Variants in SPP1 observed in about 807,000 individuals in gnomAD.
SPP1 encodes the protein osteopontin.
Under a neutral mutation model 20.8 loss-of-function variants are expected in SPP1, and 18 were observed. The ratio of observed to expected loss-of-function variants is 0.87; its 90% CI spans 0.60 to 1.29. SPP1 has a LOEUF of 1.29. SPP1 is among the 50% of genes most tolerant of loss of function. The pLI is 0.00. For synonymous variants in SPP1, 146 were observed against 141.5 expected (o/e 1.03, Z -0.23); for missense variants, 363 against 389.0 (o/e 0.93, Z 0.56).
chr4:87,976,595 G>A (rs539185682), intron 1 of SPP1, among the ~76,000 whole-genome samples: 1 of 152,190 alleles, frequency 6.6e-6, no homozygotes, highest in Non-Finnish European at 1.5e-5. Flanking sequence ...GATATATAAG[G>A]TAGTAATGGT....
Position 87,981,490 on chromosome 4 carries a change from T to C in SPP1, c.232T>C (p.Ser78Pro). 6.2e-7 allele frequency: 1 copy of C among 1,613,972 alleles called. No individual in the cohort carries two copies. Among genetic ancestry groups the C allele is most frequent in the Non-Finnish European group, 8.5e-7 (1 of 1,179,902 alleles). ...DFKQETLPSK[S>P]NESHDHMDDM... ...TAATTTTCAGACCCTTCCAAGTAAG[T>C]CCAACGAAAGCCATGACCACATGGA... The change falls in exon 6 of 7, where the codon TCC (serine) becomes CCC (proline). Residue 78 changes from serine (S) to proline (P), a missense_variant. Physicochemically the swap from Ser to Pro is moderately conservative, Grantham distance 74. Transcript: ENST00000395080.
intron 3 of SPP1, chr4:87,977,765 A>G (rs2110065765): frequency 7.8e-7 from 1 of 1,286,386 alleles, no homozygotes; most frequent in East Asian, 5.6e-5. Flanking sequence ...CACAGAGTTC[A>G]ATTCCAGTTG....
intron 3 of SPP1, chr4:87,977,766 AT>A (rs1480097918): frequency 7.8e-7 from 1 of 1,286,372 alleles, no homozygotes. Context: ...ACAGAGTTCA[AT>A]TCCAGTTGAA....
Position 87,982,557 on chromosome 4 carries a change from C to T in SPP1, c.606C>T (p.Tyr202=). 1 of 1,614,128 alleles carries T rather than the reference C, an allele frequency of 6.2e-7. No homozygotes were observed. The highest frequency in any genetic ancestry group is 8.5e-7 in the Non-Finnish European group (1 of 1,180,024). ...HMESEELNGA[Y]KAIPVAQDLN... ...AAAGCGAGGAGTTGAATGGTGCATA[C>T]AAGGCCATCCCCGTTGCCCAGGACC... is the stretch of plus-strand genomic sequence containing the variant. Residue 202 remains tyrosine, a synonymous_variant, in exon 7 of 7, where the codon TAC becomes TAT. Transcript: ENST00000395080.
At chr4:87,977,124 G>A in intron 3 of SPP1, 27 bp downstream of exon 3, 1 of 1,606,346 alleles carries the variant, frequency 6.2e-7, no homozygotes, top group Non-Finnish European at 8.5e-7. Flanking sequence ...TTTTTATATA[G>A]TTAAATCATT....
intron 3 of SPP1, among the ~76,000 whole-genome samples, chr4:87,978,938 G>A (rs966726950): frequency 1.3e-5 from 2 of 152,046 alleles, no homozygotes; most frequent in African/African-American, 4.8e-5. Context: ...TACTTACTCA[G>A]AGCAATTTCC....
chr4:87,980,175 C>T, intron 4 of SPP1, 49 bp downstream of exon 4: 1 of 1,601,844 alleles, frequency 6.2e-7, no homozygotes, highest in Non-Finnish European at 8.6e-7. Context: ...AAGATAGCCA[C>T]ACTCAGGCCA....
rs775044327 is a variant in SPP1, at chr4:87,976,954, G to A, written c.54+5G>A. 3.0e-5 allele frequency: 48 copies of A among 1,613,696 alleles called. No homozygotes were observed. The highest frequency in any genetic ancestry group is 6.7e-5 in the Admixed American group (4 of 59,998). Reference sequence around the variant, plus strand: ...GGCATCACCTGTGCCATACCAGTGAGTACAGTTGCATCTTAAAGAAAATTC... The same window carrying A: ...GGCATCACCTGTGCCATACCAGTGAATACAGTTGCATCTTAAAGAAAATTC... On this transcript the variant is annotated splice_donor_5th_base_variant and intron_variant, in intron 2 of 6. Transcript: ENST00000395080.
chr4:87,978,130 A>G (rs1725462305), intron 3 of SPP1: 1 of 155,920 alleles, frequency 6.4e-6, no homozygotes, highest in African/African-American at 2.4e-5. Flanking sequence ...CTAGTAAAAA[A>G]TTGGGGAAGT....
chr4:87,977,757 C>CA (rs1725439970), intron 3 of SPP1: 1 of 1,285,782 alleles, frequency 7.8e-7, no homozygotes, highest in African/African-American at 1.5e-5. Context: ...AAAAGGCACA[C>CA]AGAGTTCAAT....
chr4:87,981,722 C>T lies in SPP1; in HGVS notation c.464C>T (p.Thr155Ile), dbSNP rs1725655844. ...VFTPVVPTVD[T>I]YDGRGDSVVY... ...ACTCCAGTTGTCCCCACAGTAGACACATATGATGGCCGAGGTGATAGTGTG... is the reference window on the plus strand; with the variant it reads ...ACTCCAGTTGTCCCCACAGTAGACATATATGATGGCCGAGGTGATAGTGTG... Residue 155 changes from threonine (T) to isoleucine (I), a missense_variant, in exon 6 of 7, where the codon ACA (threonine) becomes ATA (isoleucine). By Grantham distance (89) the Thr-to-Ile change is moderately conservative. Transcript: ENST00000395080. The T allele has an allele frequency of 6.2e-7, 1 of 1,614,062 alleles. No individual in the cohort carries two copies. The highest frequency in any genetic ancestry group is 1.7e-5 in the Admixed American group (1 of 60,000).
rs76345792 is a variant in SPP1, at chr4:87,976,548, A to G, written c.-14-334A>G. 5.6e-3 allele frequency among the ~76,000 whole-genome samples: 852 copies of G among 152,272 alleles called. 6 individuals are homozygous for G. Among genetic ancestry groups the G allele is most frequent in the African/African-American group, 0.02 (819 of 41,550 alleles). ...CCCATACTAGCTTATTAATATAATT[A>G]AGTTACTGTTGATCTGTTTGTAGGT... On this transcript the variant is annotated intron_variant, in intron 1 of 6. Transcript: ENST00000395080.
intron 1 of SPP1, among the ~76,000 whole-genome samples, chr4:87,976,606 A>G (rs1292468894): frequency 6.6e-6 from 1 of 152,178 alleles, no homozygotes; most frequent in Non-Finnish European, 1.5e-5. Flanking sequence ...TAGTAATGGT[A>G]TAATTTCTGG....
At chr4:87,976,320 C>T (rs1725375185) in intron 1 of SPP1, among the ~76,000 whole-genome samples, 2 of 152,272 alleles carry the variant, frequency 1.3e-5, no homozygotes, top group Admixed American at 1.3e-4. Flanking sequence ...AAGCTGTTGG[C>T]TATTTTCAAT....
intron 3 of SPP1, chr4:87,977,872 G>T: frequency 2.5e-6 from 3 of 1,190,210 alleles, no homozygotes; most frequent in Non-Finnish European, 3.2e-6. Context: ...TCGTTTGTGT[G>T]TGGAGGGGTG....
chr4:87,979,937 G>C lies in SPP1; in HGVS notation c.94-109G>C, dbSNP rs150648573. Reference sequence around the variant, plus strand: ...AAAAAATTACAAAAAGGTACCTAAGGGTCCGGGTGACTATATGCTTCCATC... The same window carrying C: ...AAAAAATTACAAAAAGGTACCTAAGCGTCCGGGTGACTATATGCTTCCATC... On this transcript the variant is annotated intron_variant, in intron 3 of 6. Transcript: ENST00000395080. 216 of 1,057,120 alleles carry C rather than the reference G, an allele frequency of 2.0e-4. 1 individual carries two copies. The East Asian group carries it at 4.5e-3, about 22-fold the overall frequency. The allele number at this position is 1,057,120 out of a possible 1,614,324, so 65.5% of individuals were successfully genotyped here. A position where few individuals can be genotyped will look rare whatever the true frequency, so the allele number is the denominator to read the frequency against.
At chr4:87,978,617 C>T (rs376127725) in intron 3 of SPP1, among the ~76,000 whole-genome samples, 162 of 152,194 alleles carry the variant, frequency 1.1e-3, no homozygotes, top group African/African-American at 3.7e-3. Context: ...CTCCTGACCT[C>T]GTGATCCACC....
Position 87,983,211 on chromosome 4 carries a change from C to G in SPP1, c.*315C>G, listed in dbSNP as rs933956197. 23 of 203,508 alleles carry G rather than the reference C, an allele frequency of 1.1e-4. No homozygotes were observed. The highest frequency in any genetic ancestry group is 5.1e-4 in the African/African-American group (22 of 42,870). The allele number at this position is 203,508 out of a possible 1,614,324, so 12.6% of individuals were successfully genotyped here. On this transcript the variant is annotated 3_prime_UTR_variant, in exon 7 of 7. Coordinates refer to ENST00000395080, the MANE Select transcript of SPP1 (RefSeq NM_001040058.2). ...TAGAAGCAAACAAAATACTTTTACC[C>G]ACTTAAAAAGAGAATATAACATTTT...
intron 5 of SPP1, 144 bp downstream of exon 5, chr4:87,980,578 A>G (rs1375344012): frequency 1.3e-5 from 10 of 772,252 alleles, no homozygotes; most frequent in Admixed American, 3.1e-5. Flanking sequence ...TAAAACATGT[A>G]TTTACTAAAT....
Sources: gnomAD v4.1 joint callset for allele counts (sites outside exome capture counted in the v4.1 genomes callset) on GRCh38, gnomAD v4.1.1 for gene constraint, MANE v1.5 for transcripts, NCBI Gene and HGNC (gene_info 2026-07-23, HGNC 2026-07-21) for gene names.